The following STK39 variants were observed in gnomAD, a reference collection of about 807,000 sequenced individuals.
The protein encoded by STK39 is serine/threonine kinase 39, also known as STE20/SPS1-related proline-alanine-rich protein kinase.
STK39 carries 20 observed loss-of-function variants against 77.8 expected under a neutral mutation model. The observed-to-expected ratio is 0.26, with a 90% confidence interval of 0.18 to 0.37. The LOEUF is 0.37. Among genes scored for constraint, STK39 ranks in the 10% least tolerant of loss-of-function variants. STK39 has a pLI of 1.00. For synonymous variants in STK39, 246 were observed against 234.1 expected (o/e 1.05, Z -0.47); for missense variants, 479 against 656.5 (o/e 0.73, Z 2.95).
chr2:168,195,874 G>A (rs1437154482), intron 1 of STK39, among the ~76,000 whole-genome samples: 11 of 152,112 alleles, frequency 7.2e-5, no homozygotes, highest in Admixed American at 7.2e-4. Context: ...AAAATTAGAT[G>A]GGCGTGGTGG....
chr2:168,241,232 T>C (rs1690750122), intron 1 of STK39, among the ~76,000 whole-genome samples: 1 of 152,106 alleles, frequency 6.6e-6, no homozygotes, highest in Non-Finnish European at 1.5e-5. Flanking sequence ...AGGGAAGCAA[T>C]GGTGATGACT....
chr2:168,186,896 T>C (rs527754770), intron 1 of STK39, among the ~76,000 whole-genome samples: 46 of 152,294 alleles, frequency 3.0e-4, no homozygotes, highest in African/African-American at 1.1e-3. Context: ...CTAGGAGAGC[T>C]AAATTTGGAA....
Position 168,107,231 on chromosome 2 carries a change from C to T in STK39, c.1089+22310G>A, listed in dbSNP as rs115115843. On this transcript the variant is annotated intron_variant, in intron 10 of 17. Transcript: ENST00000355999. ...TCTCAAATATTCTCAACTTTGCTTTCTTCTGGTCCTAATTCCCATACGAAT... is the reference window on the plus strand; with the variant it reads ...TCTCAAATATTCTCAACTTTGCTTTTTTCTGGTCCTAATTCCCATACGAAT... 3.2e-3 allele frequency among the ~76,000 whole-genome samples: 482 copies of T among 152,268 alleles called. 2 individuals are homozygous for T. Among genetic ancestry groups the T allele is most frequent in the African/African-American group, 0.011 (453 of 41,556 alleles).
At chr2:168,014,849 T>G (rs916370548) in intron 15 of STK39, among the ~76,000 whole-genome samples, 10 of 152,116 alleles carry the variant, frequency 6.6e-5, no homozygotes. Context: ...TAGCCAAAAA[T>G]GAAATAATCA....
At chr2:168,120,801 G>T (rs1687385934) in intron 10 of STK39, among the ~76,000 whole-genome samples, 1 of 152,140 alleles carries the variant, frequency 6.6e-6, no homozygotes, top group Non-Finnish European at 1.5e-5. Flanking sequence ...GAGAAGCTGA[G>T]CTTCTGACGG....
intron 14 of STK39, among the ~76,000 whole-genome samples, chr2:168,053,539 G>A (rs953230508): frequency 4.0e-5 from 6 of 151,890 alleles, no homozygotes; most frequent in Middle Eastern, 3.2e-3. Context: ...GACCATTTAC[G>A]GCTTGAAAAT....
chr2:168,115,760 T>G (rs1199898239), intron 10 of STK39, among the ~76,000 whole-genome samples: 1 of 152,160 alleles, frequency 6.6e-6, no homozygotes. Context: ...GAGCTGAAAC[T>G]GAGGTCTGCT....
At position 168,060,557 on chromosome 2, in the gene STK39, A is replaced by AT. The variant is rs201946728; in HGVS notation, c.1376+2942dup. Among the ~76,000 whole-genome samples, 184 of 152,148 alleles carry AT rather than the reference A, an allele frequency of 1.2e-3. 1 individual carries two copies. Among genetic ancestry groups the AT allele is most frequent in the African/African-American group, 4.2e-3 (173 of 41,534 alleles). On this transcript the variant is annotated intron_variant, in intron 14 of 17. Coordinates refer to ENST00000355999, the MANE Select transcript of STK39 (RefSeq NM_013233.3). ...TTGTTTCAGCCGCCTAGTCTATGGT[A>AT]TTTTTTTTAATGGCAACCTAACTAG...
At chr2:168,170,375 A>G (rs1688793785) in intron 2 of STK39, among the ~76,000 whole-genome samples, 1 of 152,242 alleles carries the variant, frequency 6.6e-6, no homozygotes, top group Non-Finnish European at 1.5e-5. Flanking sequence ...ATTTGAAAAT[A>G]TAAAAATGTT....
At chr2:168,028,659 T>G (rs1004599492) in intron 14 of STK39, among the ~76,000 whole-genome samples, 6 of 152,212 alleles carry the variant, frequency 3.9e-5, no homozygotes, top group Admixed American at 2.0e-4. Flanking sequence ...TAGATCACTG[T>G]TCTTTTCAAT....
intron 10 of STK39, among the ~76,000 whole-genome samples, chr2:168,111,146 T>C (rs951599622): frequency 1.3e-5 from 2 of 152,192 alleles, no homozygotes; most frequent in African/African-American, 4.8e-5. Context: ...CAGTAATTCA[T>C]AGTTCATTAT....
chr2:167,959,376 C>T (rs1020987726), intron 17 of STK39, among the ~76,000 whole-genome samples: 4 of 151,950 alleles, frequency 2.6e-5, no homozygotes, highest in South Asian at 4.2e-4. Context: ...CCACATGCCT[C>T]GGCCTCCCAA....
At chr2:168,009,534 C>T (rs1217951601) in intron 16 of STK39, among the ~76,000 whole-genome samples, 1 of 152,160 alleles carries the variant, frequency 6.6e-6, no homozygotes, top group African/African-American at 2.4e-5. Flanking sequence ...GCGCAAGGAA[C>T]ATTACCAGTT....
intron 13 of STK39, among the ~76,000 whole-genome samples, chr2:168,064,097 T>C (rs1489781888): frequency 6.6e-6 from 1 of 152,164 alleles, no homozygotes; most frequent in Non-Finnish European, 1.5e-5. Flanking sequence ...GTAGACCTTA[T>C]TGTTGGAGTA....
intron 16 of STK39, among the ~76,000 whole-genome samples, chr2:168,011,687 T>G (rs1464759641): frequency 6.6e-6 from 1 of 152,126 alleles, no homozygotes; most frequent in Non-Finnish European, 1.5e-5. Flanking sequence ...CTTGCTCCCA[T>G]CAGCAGGCCT....
chr2:168,243,955 CA>C (rs1222849214), intron 1 of STK39, among the ~76,000 whole-genome samples: 1 of 152,118 alleles, frequency 6.6e-6, no homozygotes, highest in African/African-American at 2.4e-5. Context: ...CAAAGATTAA[CA>C]AGGCTGAAGA....
intron 14 of STK39, among the ~76,000 whole-genome samples, chr2:168,020,983 A>G (rs1684555652): frequency 6.6e-6 from 1 of 152,188 alleles, no homozygotes; most frequent in Non-Finnish European, 1.5e-5. Flanking sequence ...ATGAGCAATG[A>G]TTCACTTCAA....
chr2:167,955,360 C>T lies in STK39; in HGVS notation c.*136G>A. 1.3e-6 allele frequency: 1 copy of T among 781,922 alleles called. No individual in the cohort carries two copies. The highest frequency in any genetic ancestry group is 2.0e-6 in the Non-Finnish European group (1 of 492,772). 48.4% of individuals were successfully genotyped at this position (781,922 alleles called of 1,614,324 possible). A position where few individuals can be genotyped will look rare whatever the true frequency, so the allele number is the denominator to read the frequency against. The stretch of plus-strand genomic sequence containing the variant: ...TTTTATCCCATTTTGTTGAAGCCGG[C>T]CTCTTCACAATCTTCTGATTTTGCT... On this transcript the variant is annotated 3_prime_UTR_variant, in exon 18 of 18. Transcript: ENST00000355999.
chr2:168,115,522 G>A (rs1175101004), intron 10 of STK39, among the ~76,000 whole-genome samples: 2 of 152,134 alleles, frequency 1.3e-5, no homozygotes, highest in African/African-American at 2.4e-5. Context: ...TCATCCCAGT[G>A]TGGTTAACGA....
Sources: gnomAD v4.1 joint callset for allele counts (sites outside exome capture counted in the v4.1 genomes callset) on GRCh38, gnomAD v4.1.1 for gene constraint, MANE v1.5 for transcripts, NCBI Gene and HGNC (gene_info 2026-07-23, HGNC 2026-07-21) for gene names.